The following KLF13 variants were observed in gnomAD, a reference collection of about 807,000 sequenced individuals.
KLF13 encodes KLF transcription factor 13, also known as Krueppel-like factor 13.
A neutral mutation model predicts 16.7 loss-of-function variants in KLF13; 8 were observed. The ratio of observed to expected loss-of-function variants is 0.48; its 90% CI spans 0.28 to 0.87. KLF13 has a LOEUF of 0.87. Among genes scored for constraint, KLF13 ranks in the 40% least tolerant of loss-of-function variants. The probability of loss-of-function intolerance (pLI) is 0.10; values close to 1 mark genes in which losing one functional copy is unlikely to be tolerated. For synonymous variants in KLF13, 245 were observed against 208.4 expected, an observed-to-expected ratio of 1.18 and a Z score of -1.51; for missense variants, 447 against 452.2, an observed-to-expected ratio of 0.99 and a Z score of 0.10.
intron 1 of KLF13, among the ~76,000 whole-genome samples, chr15:31,368,912 G>A (rs753796204): frequency 2.0e-5 from 3 of 152,054 alleles, no homozygotes; most frequent in Admixed American, 1.3e-4. Flanking sequence ...CACCAGTCCA[G>A]CCCCACTCCC....
intron 1 of KLF13, among the ~76,000 whole-genome samples, chr15:31,385,040 C>T (rs2039778106): frequency 6.6e-6 from 1 of 152,168 alleles, no homozygotes; most frequent in South Asian, 2.1e-4. Context: ...GGATTGATCC[C>T]TTCACAAGAA....
At chr15:31,341,327 GGT>G (rs1376779904) in intron 1 of KLF13, among the ~76,000 whole-genome samples, 1 of 152,078 alleles carries the variant, frequency 6.6e-6, no homozygotes, top group Non-Finnish European at 1.5e-5. Flanking sequence ...CAGTAGGAGG[GGT>G]GTGTGTGCGT....
At chr15:31,379,179 G>T (rs868114145), downstream of KLF13, among the ~76,000 whole-genome samples, 3 of 152,170 alleles carry the variant, frequency 2.0e-5, no homozygotes, top group South Asian at 2.1e-4. Flanking sequence ...ATCATAGACT[G>T]GGGGGAGGGA....
intron 2 of KLF13, among the ~76,000 whole-genome samples, chr15:31,402,825 T>C (rs529854016): frequency 6.6e-6 from 1 of 152,078 alleles, no homozygotes; most frequent in South Asian, 2.1e-4. Flanking sequence ...AACAGCAGTA[T>C]ATGGGTCTTA....
intron 1 of KLF13, among the ~76,000 whole-genome samples, chr15:31,416,101 A>T (rs1473494224): frequency 6.6e-6 from 1 of 152,174 alleles, no homozygotes. Flanking sequence ...TTCTAGAAAG[A>T]TACAAACTAC....
At chr15:31,370,044 CTTTTT>C (rs912005994) in intron 1 of KLF13, among the ~76,000 whole-genome samples, 4 of 99,302 alleles carry the variant, frequency 4.0e-5, no homozygotes, top group Admixed American at 2.9e-4. Context: ...TCTCCTTTTT[CTTTTT>C]TTTTTTTTTT....
rs562919612 is a variant in KLF13 at position 31,423,489 on chromosome 15, G to A, written n.118-11881G>A. On this transcript the variant is annotated intron_variant and non_coding_transcript_variant, in intron 1 of 1. Transcript: ENST00000558225. ...TCTACTAAAAATACAAAAATTAGCCGGGTGTGGTGGTGGGTGCCTGTAATC... is the reference window on the plus strand; with the variant it reads ...TCTACTAAAAATACAAAAATTAGCCAGGTGTGGTGGTGGGTGCCTGTAATC... 9.9e-5 allele frequency among the ~76,000 whole-genome samples: 15 copies of A among 151,836 alleles called. No homozygotes were observed. The East Asian group carries it at 1.2e-3, about 12-fold the overall frequency.
chr15:31,377,486 C>T lies in KLF13; in HGVS notation c.*5187C>T, dbSNP rs1356139009. ...GGTGCATGCTTCCGGGTCTCAGCTGCCCCAGGCCCGCACAGGCAACCCCTT... is the reference window on the plus strand; with the variant it reads ...GGTGCATGCTTCCGGGTCTCAGCTGTCCCAGGCCCGCACAGGCAACCCCTT... On this transcript the variant is annotated 3_prime_UTR_variant, in exon 2 of 2. Transcript: ENST00000307145. 1 of 152,650 alleles carries T rather than the reference C, an allele frequency of 6.6e-6. No individual in the cohort carries two copies. Among genetic ancestry groups the T allele is most frequent in the African/African-American group, 2.4e-5 (1 of 41,438 alleles). The allele number at this position is 152,650 out of a possible 1,614,324, so 9.5% of individuals were successfully genotyped here.
At chr15:31,345,870 G>A (rs2039107331) in intron 1 of KLF13, among the ~76,000 whole-genome samples, 1 of 152,158 alleles carries the variant, frequency 6.6e-6, no homozygotes, top group Non-Finnish European at 1.5e-5. Flanking sequence ...GACCTTCTGG[G>A]GAGGGCTGCA....
chr15:31,435,266 G>A (rs533865306), intron 1 of KLF13: 5 of 152,226 alleles, frequency 3.3e-5, no homozygotes, highest in Admixed American at 6.5e-5. Flanking sequence ...CTTTGGTTGT[G>A]AGAATGACTA....
intron 1 of KLF13, among the ~76,000 whole-genome samples, chr15:31,368,805 A>C (rs1334230523): frequency 6.6e-6 from 1 of 152,046 alleles, no homozygotes; most frequent in Non-Finnish European, 1.5e-5. Flanking sequence ...TGACAGAGCA[A>C]GACTCTATCT....
intron 1 of KLF13, chr15:31,420,381 T>TC: frequency 8.7e-7 from 1 of 1,145,246 alleles, no homozygotes; most frequent in Non-Finnish European, 1.3e-6. Flanking sequence ...TTGCTAGAGT[T>TC]CCCCAGTGGC....
intron 1 of KLF13, among the ~76,000 whole-genome samples, chr15:31,363,403 CTCAGTTTTG>C (rs1463065116): frequency 5.9e-5 from 9 of 152,194 alleles, no homozygotes; most frequent in Non-Finnish European, 1.0e-4. Context: ...TATTTTTTCT[CTCAGTTTTG>C]TCAGTTATCT....
intron 1 of KLF13, among the ~76,000 whole-genome samples, chr15:31,410,043 G>A (rs2040173423): frequency 6.6e-6 from 1 of 152,108 alleles, no homozygotes; most frequent in Admixed American, 6.5e-5. Context: ...CAAACTATAA[G>A]ATCAGTGTAT....
At chr15:31,383,328 G>A (rs533604903) in intron 1 of KLF13, among the ~76,000 whole-genome samples, 4 of 152,198 alleles carry the variant, frequency 2.6e-5, no homozygotes, top group East Asian at 3.8e-4. Flanking sequence ...CTCTCCCACC[G>A]TGGCCCAGTG....
chr15:31,346,022 G>T (rs1421226572), intron 1 of KLF13, among the ~76,000 whole-genome samples: 1 of 151,934 alleles, frequency 6.6e-6, no homozygotes. Context: ...CTCTGTGCCG[G>T]CATCTGGCTC....
chr15:31,350,405 G>A (rs1437110314), intron 1 of KLF13, among the ~76,000 whole-genome samples: 1 of 152,222 alleles, frequency 6.6e-6, no homozygotes, highest in Non-Finnish European at 1.5e-5. Context: ...TGAGCAGGTG[G>A]ACACCTGTGA....
Position 31,327,553 on chromosome 15 carries a change from C to G in KLF13, c.341C>G (p.Ala114Gly). The G allele has an allele frequency of 9.0e-7, 1 of 1,115,184 alleles. No individual in the cohort carries two copies. The highest frequency in any genetic ancestry group is 1.7e-5 in the African/African-American group (1 of 59,878). The allele number at this position is 1,115,184 out of a possible 1,614,324, so 69.1% of individuals were successfully genotyped here. ...EPTSPGAEGAAAAPPSPAWSE... is the reference protein window; with the variant it reads ...EPTSPGAEGAGAAPPSPAWSE... ...ACCTCCCCCGGCGCCGAAGGCGCGGCGGCCGCGCCCCCCAGCCCGGCGTGG... is the reference window on the plus strand; with the variant it reads ...ACCTCCCCCGGCGCCGAAGGCGCGGGGGCCGCGCCCCCCAGCCCGGCGTGG... The change falls in exon 1 of 2, where the codon GCG becomes GGG. Residue 114 changes from alanine to glycine, a missense_variant. Coordinates refer to ENST00000307145, the MANE Select transcript of KLF13 (RefSeq NM_015995.4).
At chr15:31,336,446 C>G (rs764368497) in intron 1 of KLF13, among the ~76,000 whole-genome samples, 1 of 152,160 alleles carries the variant, frequency 6.6e-6, no homozygotes, top group African/African-American at 2.4e-5. Context: ...TTAGCGAGAC[C>G]TGAGAGTCCT....
Sources: gnomAD v4.1 joint callset for allele counts (sites outside exome capture counted in the v4.1 genomes callset) on GRCh38, gnomAD v4.1.1 for gene constraint, MANE v1.5 for transcripts, NCBI Gene and HGNC (gene_info 2026-07-23, HGNC 2026-07-21) for gene names.